The following LIPI variants were observed in gnomAD, a reference collection of about 807,000 sequenced individuals.
LIPI encodes lipase I.
Under a neutral mutation model 50.6 loss-of-function variants are expected in LIPI, and 59 were observed. That is an observed-to-expected ratio of 1.16 (90% CI 0.94 to 1.45). The LOEUF (loss-of-function observed/expected upper bound fraction) is 1.45, where lower values mean the gene tolerates loss of function less well. LIPI is among the 40% of genes most tolerant of loss of function. The pLI is 0.00. For missense variants in LIPI, 586 were observed against 536.3 expected (o/e 1.09, Z -0.92); for synonymous variants, 203 against 178.2 (o/e 1.14, Z -1.11).
At position 14,185,595 on chromosome 21, in the gene LIPI, T is replaced by C. The variant is rs115625484; in HGVS notation, c.541+366A>G. On this transcript the variant is annotated intron_variant, in intron 3 of 9. Transcript: ENST00000681601. ...TGTACCCACTAAATTTTAAGCAAAGTGGCTGGCCACAGTGGCTCATGCCTG... is the reference window on the plus strand; with the variant it reads ...TGTACCCACTAAATTTTAAGCAAAGCGGCTGGCCACAGTGGCTCATGCCTG... 3.1e-3 allele frequency among the ~76,000 whole-genome samples: 467 copies of C among 152,290 alleles called. 2 individuals carry two copies. Among genetic ancestry groups the C allele is most frequent in the African/African-American group, 0.011 (451 of 41,570 alleles).
In LIPI at chr21:14,210,918, C is replaced by T. The variant is rs912747428; in HGVS notation, c.-73G>A. The T allele has an allele frequency of 2.6e-6, 3 of 1,149,488 alleles. No homozygotes were observed. Among genetic ancestry groups the T allele is most frequent in the African/African-American group, 3.3e-5 (2 of 60,318 alleles). The allele number at this position is 1,149,488 out of a possible 1,614,324, so 71.2% of individuals were successfully genotyped here. A position where few individuals can be genotyped will look rare whatever the true frequency, so the allele number is the denominator to read the frequency against. On this transcript the variant is annotated 5_prime_UTR_variant, in exon 1 of 10. Transcript: ENST00000681601. ...AATTCCGTAACTCATTGAGGTTTCT[C>T]TTTGGTAGGATCATCACAGGCTGGC...
intron 1 of LIPI, among the ~76,000 whole-genome samples, chr21:14,190,210 G>GA (rs1345229716): frequency 1.3e-5 from 2 of 152,038 alleles, no homozygotes; most frequent in Non-Finnish European, 2.9e-5. Context: ...AACTAGGGCA[G>GA]AAAATAAATA....
intron 3 of LIPI, among the ~76,000 whole-genome samples, chr21:14,183,859 T>C (rs1039494901): frequency 2.6e-4 from 39 of 152,282 alleles, no homozygotes; most frequent in African/African-American, 3.6e-4. Flanking sequence ...GAAATAGGAA[T>C]ACTTTTACAC....
chr21:14,156,102 A>C (rs1568854427), intron 7 of LIPI, among the ~76,000 whole-genome samples: 1 of 152,026 alleles, frequency 6.6e-6, no homozygotes, highest in Non-Finnish European at 1.5e-5. Flanking sequence ...AGTGATGAAT[A>C]ATGTATGCAT....
At chr21:14,126,387 T>C (rs77507320) in intron 9 of LIPI, among the ~76,000 whole-genome samples, 6,209 of 152,244 alleles carry the variant, frequency 0.041, 341 homozygotes, top group East Asian at 0.26. Flanking sequence ...TTGACATAAG[T>C]AACAACATAG....
At chr21:14,173,128 G>A (rs1428606773) in intron 4 of LIPI, among the ~76,000 whole-genome samples, 2 of 152,138 alleles carry the variant, frequency 1.3e-5, no homozygotes, top group Non-Finnish European at 2.9e-5. Context: ...GATGTGAGGC[G>A]GTGACCCCAG....
chr21:14,130,263 C>A (rs1465710352), intron 9 of LIPI, among the ~76,000 whole-genome samples: 1 of 152,026 alleles, frequency 6.6e-6, no homozygotes, highest in Non-Finnish European at 1.5e-5. Context: ...TCGTGTGAAC[C>A]CTGGATGCGG....
At chr21:14,182,614 T>C (rs2123248282) in intron 3 of LIPI, among the ~76,000 whole-genome samples, 1 of 152,308 alleles carries the variant, frequency 6.6e-6, no homozygotes, top group Admixed American at 6.5e-5. Flanking sequence ...CCATTCACAA[T>C]TGCTTCAAAG....
At chr21:14,182,273 T>A (rs910079814) in intron 3 of LIPI, among the ~76,000 whole-genome samples, 7 of 152,184 alleles carry the variant, frequency 4.6e-5, no homozygotes, top group African/African-American at 1.7e-4. Flanking sequence ...CCTGAAAAGC[T>A]TTTTTAGGTG....
At chr21:14,108,812 A>G (rs768106660), downstream of LIPI, 80 of 610,364 alleles carry the variant, frequency 1.3e-4, no homozygotes, top group Non-Finnish European at 2.0e-4. Context: ...TTCAGAATAT[A>G]TTTGGAATGT....
chr21:14,158,390 T>C (rs948158334), intron 7 of LIPI, among the ~76,000 whole-genome samples: 1 of 151,022 alleles, frequency 6.6e-6, no homozygotes, highest in African/African-American at 2.4e-5. Context: ...TAGAACAGAA[T>C]AAAAAAGATA....
chr21:14,179,485 A>T (rs1196473978), intron 4 of LIPI, among the ~76,000 whole-genome samples: 1 of 152,184 alleles, frequency 6.6e-6, no homozygotes, highest in East Asian at 1.9e-4. Flanking sequence ...AAGACAATCC[A>T]AGACAGTTCA....
At chr21:14,141,471 T>C (rs2017706599) in intron 9 of LIPI, among the ~76,000 whole-genome samples, 1 of 152,144 alleles carries the variant, frequency 6.6e-6, no homozygotes, top group African/African-American at 2.4e-5. Flanking sequence ...CTTATATGGA[T>C]TTTTGTTTTC....
intron 9 of LIPI, among the ~76,000 whole-genome samples, chr21:14,132,552 C>G (rs2017336613): frequency 6.6e-6 from 1 of 152,028 alleles, no homozygotes; most frequent in Admixed American, 6.6e-5. Context: ...ATTAACAAGT[C>G]CTACAGGAAA....
intron 9 of LIPI, among the ~76,000 whole-genome samples, chr21:14,124,628 C>T (rs1264784709): frequency 6.6e-6 from 1 of 152,178 alleles, no homozygotes; most frequent in Non-Finnish European, 1.5e-5. Flanking sequence ...TGATCAACTG[C>T]CTAAGTACGC....
intron 7 of LIPI, among the ~76,000 whole-genome samples, chr21:14,156,840 T>C (rs1181331185): frequency 2.0e-5 from 3 of 151,790 alleles, no homozygotes; most frequent in African/African-American, 2.4e-5. Flanking sequence ...ATAAGGAACA[T>C]GGCAGAGAAA....
In LIPI at chr21:14,195,177, A is replaced by C. The variant is rs144002648; in HGVS notation, c.47-5758T>G. On this transcript the variant is annotated intron_variant, in intron 1 of 9. Transcript: ENST00000681601. ...GAATTTGAAAGGCAAAGTGTCAGAGAGGAAGGAGCCAGGCAGAAGAAAAAC... is the reference window on the plus strand; with the variant it reads ...GAATTTGAAAGGCAAAGTGTCAGAGCGGAAGGAGCCAGGCAGAAGAAAAAC... Among the ~76,000 whole-genome samples, 1,184 of 152,280 alleles carry C rather than the reference A, an allele frequency of 7.8e-3. 14 individuals are homozygous for C. Among genetic ancestry groups the C allele is most frequent in the African/African-American group, 0.018 (751 of 41,568 alleles).
chr21:14,185,869 C>T (rs1181126641), intron 3 of LIPI, 92 bp downstream of exon 3: 46 of 721,166 alleles, frequency 6.4e-5, no homozygotes, highest in South Asian at 3.0e-4. Context: ...GGCAACAGAG[C>T]GAGACTCTGT....
intron 4 of LIPI, among the ~76,000 whole-genome samples, chr21:14,172,160 C>A (rs1383520457): frequency 2.6e-5 from 4 of 151,658 alleles, no homozygotes; most frequent in Admixed American, 1.3e-4. Flanking sequence ...ATCAAAACCA[C>A]AATGAGATAC....
Sources: gnomAD v4.1 joint callset for allele counts (sites outside exome capture counted in the v4.1 genomes callset) on GRCh38, gnomAD v4.1.1 for gene constraint, MANE v1.5 for transcripts, NCBI Gene and HGNC (gene_info 2026-07-23, HGNC 2026-07-21) for gene names.